Variants in ERC2 observed in about 807,000 individuals in gnomAD.
ERC2 encodes ELKS/RAB6-interacting/CAST family member 2, also known as ERC protein 2.
In ERC2, 42 loss-of-function variants were observed where a neutral mutation model predicts 114.8. The observed-to-expected ratio is 0.37, with a 90% CI of 0.29 to 0.47. ERC2 has a LOEUF of 0.47. Among genes scored for constraint, ERC2 ranks in the 20% least tolerant of loss-of-function variants. The pLI is 0.99. For synonymous variants in ERC2, 454 were observed against 425.5 expected (o/e 1.07, Z -0.82); for missense variants, 939 against 1,150.7 (o/e 0.82, Z 2.66).
intron 3 of ERC2, among the ~76,000 whole-genome samples, chr3:56,177,250 A>G (rs2083027516): frequency 6.6e-6 from 1 of 152,152 alleles, no homozygotes; most frequent in South Asian, 2.1e-4. Flanking sequence ...CACCAAAGTG[A>G]TTTTAACGTG....
intron 2 of ERC2, among the ~76,000 whole-genome samples, chr3:56,363,823 G>GAGAA (rs551789831): frequency 0.042 from 5,869 of 139,334 alleles, 190 homozygotes; most frequent in African/African-American, 0.082. Context: ...GGGAGAAAGG[G>GAGAA]AGGGAGGGAG....
At chr3:55,668,544 T>C (rs375428858) in intron 17 of ERC2, among the ~76,000 whole-genome samples, 17 of 152,300 alleles carry the variant, frequency 1.1e-4, no homozygotes, top group South Asian at 8.3e-4. Flanking sequence ...CAGGACTCCA[T>C]TGGGGTCTGC....
intron 3 of ERC2, among the ~76,000 whole-genome samples, chr3:56,240,754 T>C (rs1413062047): frequency 2.6e-5 from 4 of 152,230 alleles, no homozygotes; most frequent in African/African-American, 9.6e-5. Context: ...TAAACATTTG[T>C]GTAAAACGAC....
At chr3:55,550,850 A>G (rs2055132520) in intron 17 of ERC2, among the ~76,000 whole-genome samples, 1 of 152,042 alleles carries the variant, frequency 6.6e-6, no homozygotes. Flanking sequence ...CCCCATCTCT[A>G]CTAAAAATAC....
At chr3:55,658,253 C>T (rs1237353230) in intron 17 of ERC2, 2 of 152,250 alleles carry the variant, frequency 1.3e-5, no homozygotes, top group Non-Finnish European at 2.9e-5. Context: ...GTTCTCTTCT[C>T]ACTATGGCCC....
At chr3:56,246,949 A>G (rs569540891) in intron 3 of ERC2, among the ~76,000 whole-genome samples, 6 of 152,372 alleles carry the variant, frequency 3.9e-5, no homozygotes, top group African/African-American at 1.4e-4. Context: ...TATGAGTATG[A>G]CCAGCCATCT....
intron 17 of ERC2, among the ~76,000 whole-genome samples, chr3:55,676,434 T>C (rs1024151227): frequency 7.3e-6 from 1 of 137,208 alleles, no homozygotes; most frequent in African/African-American, 2.8e-5. Flanking sequence ...TGACGTTTAC[T>C]GAGCTGCTTA....
At chr3:56,006,323 A>G (rs2072487583) in intron 10 of ERC2, among the ~76,000 whole-genome samples, 2 of 152,052 alleles carry the variant, frequency 1.3e-5, no homozygotes, top group Non-Finnish European at 2.9e-5. Flanking sequence ...CATATTTTTC[A>G]TAACTTTAGC....
intron 17 of ERC2, among the ~76,000 whole-genome samples, chr3:55,670,181 C>A (rs1240017049): frequency 2.0e-5 from 3 of 152,174 alleles, no homozygotes; most frequent in Non-Finnish European, 4.4e-5. Context: ...ATATTGTGCC[C>A]AAGGTCACAC....
chr3:55,778,528 G>T (rs1282548568), intron 14 of ERC2, among the ~76,000 whole-genome samples: 1 of 152,116 alleles, frequency 6.6e-6, no homozygotes, highest in Admixed American at 6.5e-5. Context: ...AAAAGACTGG[G>T]ATTCATATAA....
rs1164735597 is a variant in ERC2, at chr3:55,990,189, T to C, written c.2255+1868A>G. Among the ~76,000 whole-genome samples the C allele has an allele frequency of 2.0e-5, 3 of 152,240 alleles. No homozygotes were observed. The East Asian group carries it at 5.8e-4, about 29-fold the overall frequency. On this transcript the variant is annotated intron_variant, in intron 11 of 17. Coordinates refer to ENST00000288221, the MANE Select transcript of ERC2 (RefSeq NM_015576.3). Reference sequence around the variant, plus strand: ...AGACTAGCAGAACATCCTCACATTTTAAAATTAAAACAAAGCCCTTTAAGG... The same window carrying C: ...AGACTAGCAGAACATCCTCACATTTCAAAATTAAAACAAAGCCCTTTAAGG...
At chr3:55,890,313 C>A (rs1211884063) in intron 13 of ERC2, among the ~76,000 whole-genome samples, 3 of 152,134 alleles carry the variant, frequency 2.0e-5, no homozygotes, top group Admixed American at 2.0e-4. Flanking sequence ...ATTCCATATG[C>A]CAATTCAGAT....
intron 3 of ERC2, among the ~76,000 whole-genome samples, chr3:56,269,390 A>T (rs572997980): frequency 1.3e-5 from 2 of 152,322 alleles, no homozygotes; most frequent in South Asian, 4.1e-4. Context: ...AATTCAACAC[A>T]CTAAGACACA....
intron 15 of ERC2, among the ~76,000 whole-genome samples, chr3:55,724,381 G>A (rs138879347): frequency 1.3e-5 from 2 of 152,272 alleles, no homozygotes; most frequent in African/African-American, 4.8e-5. Flanking sequence ...TTAGCCTCAA[G>A]TTTACAGGGG....
In ERC2 at chr3:56,173,517, A is replaced by T; in HGVS notation, c.1078T>A (p.Leu360Met). 6.2e-7 allele frequency: 1 copy of T among 1,613,760 alleles called. No individual in the cohort carries two copies. Among genetic ancestry groups the T allele is most frequent in the Non-Finnish European group, 8.5e-7 (1 of 1,179,764 alleles). ...GGCTGAAGTTGGCTTCTTCGGTGCA[A>T]TTCCTGGGGAGGAACACGATAGAAA... ...EKENIHLREE[L>M]HRRSQLQPEP... Residue 360 changes from leucine to methionine, a missense_variant, in exon 4 of 18, where the codon TTG becomes ATG. Coordinates refer to ENST00000288221, the MANE Select transcript of ERC2 (RefSeq NM_015576.3).
intron 2 of ERC2, among the ~76,000 whole-genome samples, chr3:56,336,772 G>A (rs1351850545): frequency 6.6e-6 from 1 of 152,174 alleles, no homozygotes; most frequent in Non-Finnish European, 1.5e-5. Context: ...ACTCTAGCCT[G>A]GGGGATAGAG....
intron 2 of ERC2, among the ~76,000 whole-genome samples, chr3:56,396,997 T>G (rs1170460451): frequency 6.6e-6 from 1 of 152,146 alleles, no homozygotes; most frequent in Non-Finnish European, 1.5e-5. Context: ...TCCCCTGCCT[T>G]TACCCTGTTA....
At chr3:56,058,918 C>T (rs192924259) in intron 7 of ERC2, among the ~76,000 whole-genome samples, 10 of 152,034 alleles carry the variant, frequency 6.6e-5, no homozygotes, top group Non-Finnish European at 1.5e-4. Flanking sequence ...AGAACCCTGT[C>T]TAATGCATTT....
chr3:55,768,905 C>A (rs1455566101), intron 14 of ERC2, among the ~76,000 whole-genome samples: 1 of 152,164 alleles, frequency 6.6e-6, no homozygotes, highest in South Asian at 2.1e-4. Flanking sequence ...TGATCAAACT[C>A]ATACCCTAAG....
Sources: allele counts gnomAD v4.1 joint callset (sites outside exome capture counted in the v4.1 genomes callset), GRCh38; gene constraint gnomAD v4.1.1; transcripts MANE v1.5; gene names NCBI Gene and HGNC (gene_info 2026-07-23, HGNC 2026-07-21).